The following PCDH11X variants were observed in gnomAD, a reference collection of about 807,000 sequenced individuals.
PCDH11X encodes protocadherin 11 X-linked, also known as protocadherin-11 X-linked.
In PCDH11X, 18 loss-of-function variants were observed where a neutral mutation model predicts 53.3. That is an observed-to-expected ratio of 0.34 (90% CI 0.23 to 0.50). PCDH11X has a LOEUF of 0.50. PCDH11X is among the 20% of genes least tolerant of loss of function. The probability of loss-of-function intolerance (pLI) is 0.98; values close to 1 mark genes in which losing one functional copy is unlikely to be tolerated. For synonymous variants in PCDH11X, 279 were observed against 393.3 expected, an observed-to-expected ratio of 0.71 and a Z score of 3.44; for missense variants, 570 against 1,032.4, an observed-to-expected ratio of 0.55 and a Z score of 6.14.
At chrX:92,242,771 G>GTAT (rs778649975) in intron 7 of PCDH11X, among the ~76,000 whole-genome samples, 4 of 110,070 alleles carry the variant, frequency 3.6e-5, no homozygotes, top group Non-Finnish European at 5.7e-5. Flanking sequence ...GCATTTGGTG[G>GTAT]TATTATTATT....
intron 6 of PCDH11X, among the ~76,000 whole-genome samples, chrX:92,030,001 T>C (rs920439234): frequency 8.9e-6 from 1 of 112,335 alleles, no homozygotes; most frequent in African/African-American, 3.2e-5. Context: ...TCTTGCTCTG[T>C]GGCCAGGCTA....
chrX:92,000,144 CTTAA>C (rs1273001951), intron 6 of PCDH11X, among the ~76,000 whole-genome samples: 1 of 111,068 alleles, frequency 9.0e-6, no homozygotes, highest in African/African-American at 3.3e-5. Flanking sequence ...AGTTATACTC[CTTAA>C]TTAAAGTAAT....
intron 10 of PCDH11X, among the ~76,000 whole-genome samples, chrX:92,568,376 G>C (rs1466940506): frequency 3.7e-5 from 4 of 108,837 alleles, no homozygotes; most frequent in Non-Finnish European, 7.6e-5. Context: ...GAGCCGAGAT[G>C]GCGCCACTGC....
chrX:91,870,936 C>T (rs970760015), intron 5 of PCDH11X, among the ~76,000 whole-genome samples: 5 of 111,084 alleles, frequency 4.5e-5, no homozygotes, highest in East Asian at 2.8e-4. Context: ...TTAGGGTTAT[C>T]GGCAGATATG....
chrX:92,587,444 C>T (rs936351405), intron 10 of PCDH11X, among the ~76,000 whole-genome samples: 1 of 110,145 alleles, frequency 9.1e-6, no homozygotes, highest in African/African-American at 3.3e-5. Flanking sequence ...TTACTTAAAA[C>T]ATATTCTACA....
At position 91,845,726 on chromosome X, in the gene PCDH11X, G is replaced by T. The variant is rs1234368583; in HGVS notation, c.540+9682G>T. 6.3e-5 allele frequency among the ~76,000 whole-genome samples: 7 copies of T among 111,242 alleles called. No homozygotes were observed. In the East Asian group the frequency reaches 1.7e-3, roughly 27 times the overall value. On this transcript the variant is annotated intron_variant, in intron 5 of 10. Transcript: ENST00000682573. ...CTATAATCTATTTTCCCTATAGTTAGAGGTTAATTATACTCTGTTTATCTA... is the reference window on the plus strand; with the variant it reads ...CTATAATCTATTTTCCCTATAGTTATAGGTTAATTATACTCTGTTTATCTA...
chrX:92,160,884 G>A (rs1457144717), intron 6 of PCDH11X, among the ~76,000 whole-genome samples: 2 of 110,327 alleles, frequency 1.8e-5, no homozygotes, highest in African/African-American at 3.3e-5. Context: ...GAGTAAGGTC[G>A]TATCACATTG....
chrX:92,434,085 C>A (rs1297996216), intron 9 of PCDH11X, among the ~76,000 whole-genome samples: 1 of 110,983 alleles, frequency 9.0e-6, no homozygotes, highest in African/African-American at 3.3e-5. Flanking sequence ...AGCACAAGAT[C>A]CCTATAGATG....
chrX:92,095,758 T>C (rs1369596232), intron 6 of PCDH11X, among the ~76,000 whole-genome samples: 1 of 112,440 alleles, frequency 8.9e-6, no homozygotes, highest in East Asian at 2.8e-4. Flanking sequence ...TTTTTAGTAA[T>C]TAAATTTGTA....
chrX:91,894,437 A>G lies in PCDH11X; in HGVS notation c.3033+15164A>G, dbSNP rs1278245723. ...ACATTACCATATTTCTAGTGAACAAATGTTGCTTTTATGTTTGTGTGGTGT... is the reference window on the plus strand; with the variant it reads ...ACATTACCATATTTCTAGTGAACAAGTGTTGCTTTTATGTTTGTGTGGTGT... On this transcript the variant is annotated intron_variant, in intron 6 of 10. Transcript: ENST00000682573. Among the ~76,000 whole-genome samples, 5 of 111,581 alleles carry G rather than the reference A, an allele frequency of 4.5e-5. No individual in the cohort carries two copies. In the East Asian group the frequency reaches 1.4e-3, roughly 31 times the overall value.
chrX:92,419,087 A>C (rs2071887265), intron 9 of PCDH11X, among the ~76,000 whole-genome samples: 2 of 99,932 alleles, frequency 2.0e-5, no homozygotes, highest in African/African-American at 7.3e-5. Context: ...TAGGATTGTT[A>C]ATTCTTCTTG....
At chrX:92,270,399 C>G (rs2067930098) in intron 8 of PCDH11X, among the ~76,000 whole-genome samples, 2 of 112,062 alleles carry the variant, frequency 1.8e-5, no homozygotes, top group South Asian at 7.4e-4. Flanking sequence ...GCTGGGATTA[C>G]AGGCGTGAGC....
chrX:91,800,156 T>TCTA (rs1935882267), intron 1 of PCDH11X, among the ~76,000 whole-genome samples: 2 of 110,622 alleles, frequency 1.8e-5, no homozygotes, highest in Admixed American at 1.9e-4. Flanking sequence ...CTCTTTTCCT[T>TCTA]CTACTCTCTT....
chrX:92,530,442 T>C (rs879076582), intron 10 of PCDH11X, among the ~76,000 whole-genome samples: 29 of 111,952 alleles, frequency 2.6e-4, no homozygotes, highest in African/African-American at 9.4e-4. Flanking sequence ...CTATAGCTGT[T>C]AGGCAGGAGA....
intron 6 of PCDH11X, among the ~76,000 whole-genome samples, chrX:92,049,841 T>C (rs963564757): frequency 8.9e-6 from 1 of 111,813 alleles, no homozygotes; most frequent in Non-Finnish European, 1.9e-5. Context: ...TGGCACAATC[T>C]CTGCTCACTG....
intron 10 of PCDH11X, among the ~76,000 whole-genome samples, chrX:92,594,849 TG>T (rs199927139): frequency 0.31 from 32,088 of 102,567 alleles, 4,820 homozygotes; most frequent in African/African-American, 0.5. Context: ...CTATTTTTTT[TG>T]TTTGTTTGTT....
At chrX:92,013,449 C>T (rs776976402) in intron 6 of PCDH11X, among the ~76,000 whole-genome samples, 1 of 111,362 alleles carries the variant, frequency 9.0e-6, no homozygotes, top group East Asian at 2.9e-4. Flanking sequence ...TGAAAATGGC[C>T]ATACTGCCCA....
intron 6 of PCDH11X, among the ~76,000 whole-genome samples, chrX:92,111,219 TAAAAAAAAA>T (rs771823629): frequency 1.9e-3 from 37 of 19,817 alleles, no homozygotes; most frequent in East Asian, 0.017. Flanking sequence ...CACCTAACGC[TAAAAAAAAA>T]AAAAAAAAAA....
chrX:92,507,821 AT>A (rs67153001), intron 10 of PCDH11X, among the ~76,000 whole-genome samples: 10 of 105,255 alleles, frequency 9.5e-5, no homozygotes, highest in South Asian at 8.8e-4. Context: ...CCACAGGAAC[AT>A]TTTTTTTTTA....
Sources: gnomAD v4.1 joint callset for allele counts (sites outside exome capture counted in the v4.1 genomes callset) on GRCh38, gnomAD v4.1.1 for gene constraint, MANE v1.5 for transcripts, NCBI Gene and HGNC (gene_info 2026-07-23, HGNC 2026-07-21) for gene names.